Variants in SANBR observed in about 807,000 individuals in gnomAD.
SANBR encodes the protein SANT and BTB domain regulator of CSR.
SANBR carries 77 observed loss-of-function variants against 101.8 expected under a neutral mutation model. The ratio of observed to expected loss-of-function variants is 0.76; its 90% CI spans 0.63 to 0.91. The LOEUF is 0.91. Ranked by LOEUF, SANBR falls within the 40% of genes least tolerant of loss-of-function variation. The probability of loss-of-function intolerance (pLI) is 0.00; values close to 1 mark genes in which losing one functional copy is unlikely to be tolerated. For synonymous variants in SANBR, 279 were observed against 274.7 expected (o/e 1.02, Z -0.15); for missense variants, 875 against 853.0 (o/e 1.03, Z -0.32).
intron 5 of SANBR, among the ~76,000 whole-genome samples, chr2:61,074,444 T>C (rs1449481695): frequency 6.6e-6 from 1 of 152,242 alleles, no homozygotes; most frequent in Non-Finnish European, 1.5e-5. Context: ...AGTCTCACGC[T>C]GTCACCCAAG....
chr2:61,121,408 C>A, intron 21 of SANBR, 132 bp downstream of exon 21: 1 of 545,420 alleles, frequency 1.8e-6, no homozygotes, highest in Non-Finnish European at 3.3e-6. Flanking sequence ...ATTATATTAT[C>A]AAGGCACTAA....
At chr2:61,129,609 G>C (rs1270104206) in intron 20 of SANBR, among the ~76,000 whole-genome samples, 2 of 152,106 alleles carry the variant, frequency 1.3e-5, no homozygotes, top group African/African-American at 4.8e-5. Flanking sequence ...CTATACCAAA[G>C]AAATGTAATA....
chr2:61,116,846 A>C (rs1684099272), intron 17 of SANBR, among the ~76,000 whole-genome samples: 2 of 152,212 alleles, frequency 1.3e-5, no homozygotes, highest in African/African-American at 4.8e-5. Flanking sequence ...TGAGCCCAAG[A>C]GTTTGAGACC....
At chr2:61,109,616 C>A (rs1402746147) in intron 16 of SANBR, among the ~76,000 whole-genome samples, 1 of 150,198 alleles carries the variant, frequency 6.7e-6, no homozygotes, top group Non-Finnish European at 1.5e-5. Context: ...TCAAATGAAC[C>A]ATTAAATAAC....
intron 10 of SANBR, chr2:61,090,746 G>GTGTGTGTGTGTT (rs1682708042): frequency 6.5e-6 from 1 of 154,898 alleles, no homozygotes; most frequent in African/African-American, 2.4e-5. Flanking sequence ...GTGTGTGTGT[G>GTGTGTGTGTGTT]TGTGTAGGCA....
At chr2:61,103,140 T>TC (rs1683373270) in intron 12 of SANBR, among the ~76,000 whole-genome samples, 1 of 149,288 alleles carries the variant, frequency 6.7e-6, no homozygotes, top group African/African-American at 2.4e-5. Context: ...TTTCTTTCTT[T>TC]TTTTTTTTTT....
intron 4 of SANBR, among the ~76,000 whole-genome samples, chr2:61,072,987 G>A (rs904850870): frequency 6.6e-6 from 1 of 151,788 alleles, no homozygotes; most frequent in African/African-American, 2.4e-5. Context: ...CTACTGTGCT[G>A]AGCCTACAGC....
At chr2:61,132,292 T>A (rs905736207) in intron 20 of SANBR, among the ~76,000 whole-genome samples, 2 of 152,216 alleles carry the variant, frequency 1.3e-5, no homozygotes, top group African/African-American at 4.8e-5. Flanking sequence ...GTATCCAGAA[T>A]GTATAAAGAA....
At chr2:61,124,642 G>C (rs1684460365), downstream of SANBR, among the ~76,000 whole-genome samples, 1 of 151,596 alleles carries the variant, frequency 6.6e-6, no homozygotes, top group Non-Finnish European at 1.5e-5. Flanking sequence ...AGAGTGCAAG[G>C]CTTCAGTGAG....
intron 2 of SANBR, among the ~76,000 whole-genome samples, chr2:61,069,485 C>T (rs1681348395): frequency 6.6e-6 from 1 of 152,178 alleles, no homozygotes. Context: ...GTCAGCGAAT[C>T]TCTGCTTTGT....
At chr2:61,110,340 T>G (rs1034067652) in intron 16 of SANBR, among the ~76,000 whole-genome samples, 1 of 152,118 alleles carries the variant, frequency 6.6e-6, no homozygotes, top group Non-Finnish European at 1.5e-5. Context: ...GGTCAGGAGT[T>G]CGAGAGCAGC....
rs982854543 is a variant in SANBR, at chr2:61,069,439, C to T, written c.-10+454C>T. ...CCAAAACTCAAATCAGAGATTCAGA[C>T]TCCTGTGTACGCTGCCTTTTCCATT... On this transcript the variant is annotated intron_variant, in intron 2 of 21. Transcript: ENST00000402291. Among the ~76,000 whole-genome samples the T allele has an allele frequency of 4.6e-5, 7 of 152,276 alleles. No homozygotes were observed. In the South Asian group the frequency reaches 1.2e-3, roughly 27 times the overall value.
At chr2:61,106,697 A>C in intron 14 of SANBR, 35 bp downstream of exon 14, 2 of 1,200,616 alleles carry the variant, frequency 1.7e-6, no homozygotes, top group Non-Finnish European at 2.4e-6. Flanking sequence ...CTTTATTTAC[A>C]TAAATAATTA....
chr2:61,066,633 G>T (rs1681185116), intron 1 of SANBR, among the ~76,000 whole-genome samples: 1 of 152,230 alleles, frequency 6.6e-6, no homozygotes, highest in African/African-American at 2.4e-5. Flanking sequence ...CCTTTGACCT[G>T]CCTGCCTGCC....
chr2:61,134,317 T>C (rs188792731), intron 21 of SANBR: 1 of 1,511,992 alleles, frequency 6.6e-7, no homozygotes, highest in African/African-American at 1.4e-5. Flanking sequence ...GTAGACCACA[T>C]GAAAGACTTT....
At position 61,122,728 on chromosome 2, in the gene SANBR, AG is replaced by A; in HGVS notation, c.*569del. 1 of 985,552 alleles carries A rather than the reference AG, an allele frequency of 1.0e-6. No individual in the cohort carries two copies. The highest frequency in any genetic ancestry group is 1.2e-6 in the Non-Finnish European group (1 of 829,920). The allele number at this position is 985,552 out of a possible 1,614,324, so 61.1% of individuals were successfully genotyped here. ...GTATTTCAGTACTGTGTTGGGCAGA[AG>A]GGTTAATTTTTTTCAGCATTATATC... On this transcript the variant is annotated 3_prime_UTR_variant, in exon 22 of 22. Transcript: ENST00000402291.
downstream of SANBR, among the ~76,000 whole-genome samples, chr2:61,128,690 C>T (rs1225147496): frequency 1.3e-5 from 2 of 152,052 alleles, no homozygotes; most frequent in Non-Finnish European, 1.5e-5. Flanking sequence ...GACGGGGTTT[C>T]GCCATGTTGG....
chr2:61,102,589 G>T (rs574712310), intron 12 of SANBR, among the ~76,000 whole-genome samples: 1 of 151,744 alleles, frequency 6.6e-6, no homozygotes, highest in Non-Finnish European at 1.5e-5. Context: ...CCAGACTGGA[G>T]TGTAGTGGCA....
At chr2:61,131,312 T>TA (rs1559158074) in intron 20 of SANBR, among the ~76,000 whole-genome samples, 1 of 151,958 alleles carries the variant, frequency 6.6e-6, no homozygotes, top group African/African-American at 2.4e-5. Context: ...ATGAAATCAC[T>TA]AAAAAAAATT....
Sources: gnomAD v4.1 joint callset for allele counts (sites outside exome capture counted in the v4.1 genomes callset) on GRCh38, gnomAD v4.1.1 for gene constraint, MANE v1.5 for transcripts, NCBI Gene and HGNC (gene_info 2026-07-23, HGNC 2026-07-21) for gene names.